Variants in TAB2 observed in about 807,000 individuals in gnomAD.
The protein encoded by TAB2 is TGF-beta activated kinase 1 (MAP3K7) binding protein 2.
Under a neutral mutation model 65.0 loss-of-function variants are expected in TAB2, and 3 were observed. The ratio of observed to expected loss-of-function variants is 0.05; its 90% CI spans 0.02 to 0.12. TAB2 has a LOEUF of 0.12. Ranked by LOEUF, TAB2 falls within the 10% of genes least tolerant of loss-of-function variation. The probability of loss-of-function intolerance (pLI) is 1.00; values close to 1 mark genes in which losing one functional copy is unlikely to be tolerated. For missense variants in TAB2, 623 were observed against 840.3 expected, an observed-to-expected ratio of 0.74 and a Z score of 3.20; for synonymous variants, 298 against 285.1, an observed-to-expected ratio of 1.05 and a Z score of -0.46.
chr6:149,260,884 G>A (rs1029297352), intron 1 of TAB2, among the ~76,000 whole-genome samples: 1 of 152,160 alleles, frequency 6.6e-6, no homozygotes, highest in Non-Finnish European at 1.5e-5. Context: ...CACATGAAAT[G>A]TACAATTTCC....
intron 6 of TAB2, chr6:149,400,606 A>G: frequency 6.2e-7 from 1 of 1,614,236 alleles, no homozygotes; most frequent in Non-Finnish European, 8.5e-7. Flanking sequence ...GGAACAGACA[A>G]ACCTGCACAG....
chr6:149,227,025 C>G (rs4897092), intron 1 of TAB2, among the ~76,000 whole-genome samples: 47,266 of 152,034 alleles, frequency 0.31, 7,463 homozygotes, highest in Admixed American at 0.41. Flanking sequence ...AACTCCAGAT[C>G]CAACAGAAAT....
intron 6 of TAB2, chr6:149,400,765 T>C: frequency 2.1e-6 from 3 of 1,417,590 alleles, no homozygotes; most frequent in Non-Finnish European, 2.9e-6. Context: ...GCAATTTGGT[T>C]CCACCACATT....
At chr6:149,247,947 A>T (rs1452106964) in intron 1 of TAB2, 2 of 152,188 alleles carry the variant, frequency 1.3e-5, no homozygotes, top group Non-Finnish European at 2.9e-5. Context: ...ATTAGGACAA[A>T]TACCTAATGC....
intron 1 of TAB2, among the ~76,000 whole-genome samples, chr6:149,368,704 A>T (rs567625072): frequency 1.3e-5 from 2 of 151,302 alleles, no homozygotes; most frequent in African/African-American, 4.9e-5. Context: ...CTTTTGGAAA[A>T]TCTACAATGC....
rs1408792394 is a variant in TAB2, at chr6:149,353,640, G to A, written c.-89-16269G>A. Among the ~76,000 whole-genome samples the A allele has an allele frequency of 3.3e-5, 5 of 152,168 alleles. No individual in the cohort carries two copies. The East Asian group carries it at 5.8e-4, about 18-fold the overall frequency. ...GCCTTGACATTGTGAATATAAAGTC[G>A]TATTCTGAGGAAATAATTTAAATAT... is the stretch of plus-strand genomic sequence containing the variant. On this transcript the variant is annotated intron_variant, in intron 1 of 6. Coordinates refer to ENST00000637181, the MANE Select transcript of TAB2 (RefSeq NM_001292034.3).
At chr6:149,373,950 G>C (rs147155378) in intron 2 of TAB2, among the ~76,000 whole-genome samples, 2 of 152,290 alleles carry the variant, frequency 1.3e-5, no homozygotes, top group Admixed American at 1.3e-4. Context: ...ATACCGAGGA[G>C]CCAACTTGAA....
At chr6:149,392,103 C>G (rs1043176462) in intron 3 of TAB2, among the ~76,000 whole-genome samples, 1 of 117,086 alleles carries the variant, frequency 8.5e-6, no homozygotes, top group African/African-American at 3.4e-5. Context: ...TTATGCAGAC[C>G]TTTCACATTC....
intron 1 of TAB2, among the ~76,000 whole-genome samples, chr6:149,238,590 T>C (rs1173330380): frequency 6.6e-6 from 1 of 152,122 alleles, no homozygotes; most frequent in Non-Finnish European, 1.5e-5. Flanking sequence ...TGGCACAAGA[T>C]CATGGCTCCC....
chr6:149,378,010 T>A lies in TAB2; in HGVS notation c.103-8T>A. 1.2e-6 allele frequency: 2 copies of A among 1,611,708 alleles called. No individual in the cohort carries two copies. Among genetic ancestry groups the A allele is most frequent in the Non-Finnish European group, 1.7e-6 (2 of 1,178,220 alleles). On this transcript the variant is annotated splice_region_variant and splice_polypyrimidine_tract_variant and intron_variant, in intron 2 of 6. Transcript: ENST00000637181. ...GTTAACATCAATCAATTTATTTTGT[T>A]TTCATAGAATAATAATAACCTGGAT...
intron 2 of TAB2, chr6:149,372,366 A>T (rs931390053): frequency 6.6e-6 from 1 of 152,184 alleles, no homozygotes; most frequent in South Asian, 2.1e-4. Context: ...TTAATAAAAG[A>T]TGTTTATCCA....
At chr6:149,269,498 A>G (rs1778322298) in intron 1 of TAB2, among the ~76,000 whole-genome samples, 1 of 152,154 alleles carries the variant, frequency 6.6e-6, no homozygotes, top group Admixed American at 6.6e-5. Context: ...CAAGTTTTGA[A>G]AAGTGTATAG....
chr6:149,410,035 T>C lies in TAB2; in HGVS notation c.*316T>C. 2 of 368,962 alleles carry C rather than the reference T, an allele frequency of 5.4e-6. No individual in the cohort carries two copies. Among genetic ancestry groups the C allele is most frequent in the South Asian group, 6.4e-5 (2 of 31,178 alleles). The allele number at this position is 368,962 out of a possible 1,614,324, so 22.9% of individuals were successfully genotyped here. A position where few individuals can be genotyped will look rare whatever the true frequency, so the allele number is the denominator to read the frequency against. On this transcript the variant is annotated 3_prime_UTR_variant, in exon 7 of 7. Coordinates refer to ENST00000637181, the MANE Select transcript of TAB2 (RefSeq NM_001292034.3). ...AACACCTAGGTGTTCCCAATACCTT[T>C]TTCCCCTCATGTCACTACTGAATTT...
intron 1 of TAB2, among the ~76,000 whole-genome samples, chr6:149,290,654 G>A (rs1778758991): frequency 6.6e-6 from 1 of 152,066 alleles, no homozygotes; most frequent in South Asian, 2.1e-4. Flanking sequence ...GACCAGCCTG[G>A]ACAACATGGC....
At chr6:149,337,174 G>A (rs145900624) in intron 1 of TAB2, among the ~76,000 whole-genome samples, 45 of 152,200 alleles carry the variant, frequency 3.0e-4, no homozygotes, top group Admixed American at 1.3e-3. Flanking sequence ...TACTAAAGAA[G>A]CATATGTATG....
chr6:149,317,174 G>C (rs1779275741), upstream of TAB2, among the ~76,000 whole-genome samples: 1 of 151,974 alleles, frequency 6.6e-6, no homozygotes, highest in Non-Finnish European at 1.5e-5. This position sits in a 1 kb window ranked among gnomAD's most constrained non-coding sequence, Gnocchi z 4.7. Context: ...TCTTCCCTCA[G>C]CCCAAACTGC....
At chr6:149,338,619 T>A (rs1420658132) in intron 1 of TAB2, among the ~76,000 whole-genome samples, 1 of 152,202 alleles carries the variant, frequency 6.6e-6, no homozygotes, top group East Asian at 1.9e-4. Context: ...ACATGAAAGC[T>A]TGGAAGTTGT....
Position 149,222,603 on chromosome 6 carries a change from G to A in TAB2, c.-121+3827G>A, listed in dbSNP as rs1040077170. Among the ~76,000 whole-genome samples, 6 of 144,184 alleles carry A rather than the reference G, an allele frequency of 4.2e-5. No homozygotes were observed. In the Admixed American group the frequency reaches 4.2e-4, roughly 10 times the overall value. The allele number at this position is 144,184 out of a possible 152,430, so 94.6% of individuals were successfully genotyped here. A position where few individuals can be genotyped will look rare whatever the true frequency, so the allele number is the denominator to read the frequency against. On this transcript the variant is annotated intron_variant, in intron 1 of 1. Coordinates refer to the TAB2 transcript ENST00000606202. ...ACTGCACTCCAGCTTGGGCAACAGA[G>A]CGAGACTCTGTCTCAAAAAAAAAAA...
intron 1 of TAB2, among the ~76,000 whole-genome samples, chr6:149,333,310 C>G (rs1182383595): frequency 6.6e-6 from 1 of 152,190 alleles, no homozygotes. Context: ...GTGAGGCGTA[C>G]ATTTTGCCTC....
Sources: gnomAD v4.1 joint callset for allele counts (sites outside exome capture counted in the v4.1 genomes callset) on GRCh38, gnomAD v4.1.1 for gene constraint, Gnocchi (gnomAD v3.1) non-coding constraint, MANE v1.5 for transcripts, NCBI Gene and HGNC (gene_info 2026-07-23, HGNC 2026-07-21) for gene names.